DGKB: variants seen among roughly 807,000 people sequenced by gnomAD.
The protein encoded by DGKB is diacylglycerol kinase beta, also known as 90 kDa diacylglycerol kinase.
In DGKB, 67 loss-of-function variants were observed where a neutral mutation model predicts 114.3. The observed-to-expected ratio is 0.59, with a 90% CI of 0.48 to 0.72. The LOEUF is 0.72. Among genes scored for constraint, DGKB ranks in the 30% least tolerant of loss-of-function variants. DGKB has a pLI of 0.00. For missense variants in DGKB, 907 were observed against 975.2 expected (o/e 0.93, Z 0.93); for synonymous variants, 398 against 323.1 (o/e 1.23, Z -2.49).
chr7:14,676,150 T>G (rs1422333962), intron 12 of DGKB, among the ~76,000 whole-genome samples: 1 of 151,386 alleles, frequency 6.6e-6, no homozygotes, highest in African/African-American at 2.5e-5. Flanking sequence ...ATCAACAAAA[T>G]TATACAATAG....
intron 1 of DGKB, among the ~76,000 whole-genome samples, chr7:14,960,555 G>C: frequency 6.6e-6 from 1 of 151,690 alleles, no homozygotes; most frequent in East Asian, 1.9e-4. Context: ...AATAAGAGTA[G>C]GAAGTATATA....
chr7:14,425,789 T>A (rs1408780766), intron 21 of DGKB, among the ~76,000 whole-genome samples: 1 of 152,162 alleles, frequency 6.6e-6, no homozygotes, highest in African/African-American at 2.4e-5. Flanking sequence ...TTAAAGATGA[T>A]TAATAGTATC....
At chr7:14,938,715 G>A (rs1785401725) in intron 1 of DGKB, among the ~76,000 whole-genome samples, 1 of 151,962 alleles carries the variant, frequency 6.6e-6, no homozygotes, top group African/African-American at 2.4e-5. Flanking sequence ...AACATATTGT[G>A]AGTTAAAAGT....
Position 14,471,174 on chromosome 7 carries a change from T to TAC in DGKB, c.1835+6986_1835+6987insGT, listed in dbSNP as rs138729656. Among the ~76,000 whole-genome samples, 140 of 65,856 alleles carry TAC rather than the reference T, an allele frequency of 2.1e-3. 1 individual carries two copies. The highest frequency in any genetic ancestry group is 4.7e-3 in the South Asian group (8 of 1,694). 43.2% of individuals were successfully genotyped at this position (65,856 alleles called of 152,430 possible). On this transcript the variant is annotated intron_variant, in intron 21 of 25. Coordinates refer to ENST00000402815, the MANE Select transcript of DGKB (RefSeq NM_001350709.2). ...ATGATAATTTTCCATATATATGGAA[T>TAC]ATATGTATATATACATATATGTATG...
rs117038282 is a variant in DGKB, at chr7:14,234,125, G to A, written c.2123-55974C>T. On this transcript the variant is annotated intron_variant, in intron 23 of 25. Transcript: ENST00000402815. The stretch of plus-strand genomic sequence containing the variant: ...TTGCCTCCTTGGGATGAAACTGTCA[G>A]CTATGGAGAAAAAGTAAGGAACCTT... Among the ~76,000 whole-genome samples, 106 of 152,068 alleles carry A rather than the reference G, an allele frequency of 7.0e-4. 1 individual carries two copies. The East Asian group carries it at 0.018, about 26-fold the overall frequency.
chr7:14,312,202 T>C (rs997982656), intron 23 of DGKB, among the ~76,000 whole-genome samples: 1 of 152,216 alleles, frequency 6.6e-6, no homozygotes, highest in Non-Finnish European at 1.5e-5. Context: ...CCTATTATAA[T>C]GCAGTATAGA....
At chr7:14,183,936 G>A (rs1445043331) in intron 23 of DGKB, among the ~76,000 whole-genome samples, 1 of 152,130 alleles carries the variant, frequency 6.6e-6, no homozygotes, top group African/African-American at 2.4e-5. Context: ...CTGCTCCTGC[G>A]GAGCCTGGGA....
chr7:14,161,366 A>ATGTT (rs1303886094), intron 25 of DGKB, among the ~76,000 whole-genome samples: 1 of 152,214 alleles, frequency 6.6e-6, no homozygotes, highest in Non-Finnish European at 1.5e-5. Flanking sequence ...ATGCACCTGT[A>ATGTT]TGTTTACTGC....
intron 21 of DGKB, among the ~76,000 whole-genome samples, chr7:14,412,376 A>G (rs1318191867): frequency 6.6e-6 from 1 of 152,210 alleles, no homozygotes; most frequent in Non-Finnish European, 1.5e-5. Context: ...GGAAGAATGT[A>G]ACAGGCACAT....
intron 5 of DGKB, among the ~76,000 whole-genome samples, chr7:14,735,825 A>G (rs1831624789): frequency 6.6e-6 from 1 of 152,220 alleles, no homozygotes; most frequent in Non-Finnish European, 1.5e-5. Flanking sequence ...ATAGAATTCT[A>G]AAGCAAGTGA....
At chr7:14,297,163 C>A (rs561466586) in intron 23 of DGKB, among the ~76,000 whole-genome samples, 2 of 152,222 alleles carry the variant, frequency 1.3e-5, no homozygotes, top group East Asian at 3.9e-4. Flanking sequence ...TGAAGCTATT[C>A]CTAACAATAG....
At chr7:14,177,045 C>G in intron 24 of DGKB, 146 bp from the exon 25 acceptor site, 5 of 790,092 alleles carry the variant, frequency 6.3e-6, no homozygotes, top group Non-Finnish European at 9.9e-6. Flanking sequence ...AGCTTCAACT[C>G]TCCACTATTA....
intron 1 of DGKB, among the ~76,000 whole-genome samples, chr7:14,889,607 T>C (rs1464897450): frequency 6.6e-6 from 1 of 151,318 alleles, no homozygotes; most frequent in Non-Finnish European, 1.5e-5. Flanking sequence ...GAATAAATAA[T>C]CCTTGAATAG....
intron 13 of DGKB, among the ~76,000 whole-genome samples, chr7:14,630,991 G>T (rs189087699): frequency 2.0e-5 from 3 of 151,036 alleles, no homozygotes; most frequent in Admixed American, 6.6e-5. Context: ...ATACAAATTT[G>T]GATAATTAGT....
intron 20 of DGKB, among the ~76,000 whole-genome samples, chr7:14,549,257 A>G (rs1794763149): frequency 6.6e-6 from 1 of 152,148 alleles, no homozygotes; most frequent in Non-Finnish European, 1.5e-5. Flanking sequence ...TTAATGTGAC[A>G]TCAAGGGTGA....
intron 4 of DGKB, among the ~76,000 whole-genome samples, chr7:14,743,454 C>G (rs533138820): frequency 6.6e-6 from 1 of 152,048 alleles, no homozygotes; most frequent in Non-Finnish European, 1.5e-5. Flanking sequence ...GTGTTTTAAA[C>G]CTCTAACATT....
Position 14,547,981 on chromosome 7 carries a change from C to T in DGKB, c.1770+26231G>A, listed in dbSNP as rs1379509160. Among the ~76,000 whole-genome samples the T allele has an allele frequency of 3.9e-5, 6 of 152,016 alleles. No homozygotes were observed. The East Asian group carries it at 1.2e-3, about 29-fold the overall frequency. On this transcript the variant is annotated intron_variant, in intron 20 of 25. Coordinates refer to ENST00000402815, the MANE Select transcript of DGKB (RefSeq NM_001350709.2). ...CACATTACACAGCTTTTTACTATTC[C>T]CATTTTCTATAATTGTTAGAAGTAT...
At chr7:14,951,465 T>TAAAA (rs1474866171) in intron 1 of DGKB, among the ~76,000 whole-genome samples, 1 of 151,898 alleles carries the variant, frequency 6.6e-6, no homozygotes, top group Non-Finnish European at 1.5e-5. Context: ...ATGAAGACAG[T>TAAAA]AAAAACATCA....
At chr7:14,785,958 T>A (rs1484886752) in intron 2 of DGKB, among the ~76,000 whole-genome samples, 1 of 152,138 alleles carries the variant, frequency 6.6e-6, no homozygotes, top group Non-Finnish European at 1.5e-5. Flanking sequence ...AAGTTTTTAT[T>A]CCATAAGCTT....
Sources: allele counts gnomAD v4.1 joint callset (sites outside exome capture counted in the v4.1 genomes callset), GRCh38; gene constraint gnomAD v4.1.1; transcripts MANE v1.5; gene names NCBI Gene and HGNC (gene_info 2026-07-23, HGNC 2026-07-21).